Variants in ASB3 observed in about 807,000 individuals in gnomAD.
ASB3 encodes the protein ankyrin repeat and SOCS box protein 3.
ASB3 carries 41 observed loss-of-function variants against 54.5 expected under a neutral mutation model. That is an observed-to-expected ratio of 0.75 (90% CI 0.59 to 0.98). The LOEUF (loss-of-function observed/expected upper bound fraction) is 0.98, where lower values mean the gene tolerates loss of function less well. ASB3 is among the 50% of genes least tolerant of loss of function. The pLI, the probability that ASB3 is intolerant of heterozygous loss-of-function variation, is 0.00. For synonymous variants in ASB3, 266 were observed against 221.2 expected (o/e 1.20, Z -1.80); for missense variants, 733 against 620.0 (o/e 1.18, Z -1.94).
intron 9 of ASB3, among the ~76,000 whole-genome samples, chr2:53,685,537 C>A (rs1339576644): frequency 6.6e-6 from 1 of 152,170 alleles, no homozygotes; most frequent in African/African-American, 2.4e-5. Flanking sequence ...TTAGCATATT[C>A]TAACCTCCTA....
chr2:53,769,343 T>C (rs1393641165), intron 1 of ASB3, among the ~76,000 whole-genome samples: 1 of 152,210 alleles, frequency 6.6e-6, no homozygotes, highest in Non-Finnish European at 1.5e-5. Context: ...TATTTAAAAT[T>C]GCCATTCCGA....
chr2:53,767,497 T>A, intron 1 of ASB3: 1 of 178,118 alleles, frequency 5.6e-6, no homozygotes. Flanking sequence ...CGACTCCTGC[T>A]CTTTTCTCCT....
At chr2:53,732,395 T>C (rs1671370834) in intron 3 of ASB3, among the ~76,000 whole-genome samples, 1 of 152,010 alleles carries the variant, frequency 6.6e-6, no homozygotes, top group Non-Finnish European at 1.5e-5. Context: ...AGGAAAAAAA[T>C]CTGTTTCATA....
chr2:53,758,752 G>T (rs1672976242), intron 2 of ASB3, among the ~76,000 whole-genome samples: 1 of 152,152 alleles, frequency 6.6e-6, no homozygotes, highest in African/African-American at 2.4e-5. Flanking sequence ...GGACCACAGA[G>T]GACGCTCTAG....
At position 53,716,725 on chromosome 2, in the gene ASB3, T is replaced by G. The variant is rs376556448; in HGVS notation, c.623A>C (p.Gln208Pro). ...CAAGGGTGTAGCTTTGTCCAAGGCT[T>G]GACAATTGACATTTGCACCTAAGGG... ...LISSGANVNC[Q>P]ALDKATPLFI... Residue 208 changes from glutamine to proline, a missense_variant, in exon 6 of 10, where the codon CAA becomes CCA. Physicochemically the swap from Gln to Pro is moderately conservative, Grantham distance 76. Coordinates refer to ENST00000263634, the MANE Select transcript of ASB3 (RefSeq NM_016115.5). 5.0e-6 allele frequency: 8 copies of G among 1,612,976 alleles called. No homozygotes were observed. Among genetic ancestry groups the G allele is most frequent in the Non-Finnish European group, 5.9e-6 (7 of 1,179,212 alleles).
At chr2:53,759,404 T>G (rs1673015099) in intron 2 of ASB3, among the ~76,000 whole-genome samples, 1 of 152,212 alleles carries the variant, frequency 6.6e-6, no homozygotes, top group Non-Finnish European at 1.5e-5. Context: ...ATGACTCTAT[T>G]GAGGGCCAAC....
intron 9 of ASB3, among the ~76,000 whole-genome samples, chr2:53,680,930 T>C (rs144039600): frequency 1.4e-4 from 21 of 152,000 alleles, no homozygotes; most frequent in African/African-American, 4.8e-4. Flanking sequence ...TGTATCTCCA[T>C]GAATTCAACC....
intron 9 of ASB3, among the ~76,000 whole-genome samples, chr2:53,678,554 A>G (rs534161003): frequency 6.6e-6 from 1 of 152,352 alleles, no homozygotes; most frequent in East Asian, 1.9e-4. Context: ...GCAATCACAT[A>G]TGAACAAAAA....
chr2:53,762,442 T>C (rs1393107389), intron 2 of ASB3, among the ~76,000 whole-genome samples: 1 of 152,218 alleles, frequency 6.6e-6, no homozygotes, highest in African/African-American at 2.4e-5. Context: ...TCTTAATCGC[T>C]GTGCTACAAT....
chr2:53,691,579 C>A (rs1038523128), intron 9 of ASB3, among the ~76,000 whole-genome samples: 19 of 152,090 alleles, frequency 1.2e-4, no homozygotes, highest in Admixed American at 1.0e-3. Flanking sequence ...GGGTTTGAGC[C>A]CATTAGTATT....
At chr2:53,727,869 G>A (rs575269954) in intron 5 of ASB3, among the ~76,000 whole-genome samples, 131 of 152,154 alleles carry the variant, frequency 8.6e-4, no homozygotes, top group Admixed American at 2.0e-3. Context: ...GGGATTACAG[G>A]CACATGCCAC....
chr2:53,694,074 G>A, intron 8 of ASB3, 60 bp from the exon 9 acceptor site: 3 of 1,582,734 alleles, frequency 1.9e-6, no homozygotes, highest in Non-Finnish European at 2.6e-6. Flanking sequence ...GTTCGTACTT[G>A]AAACAAACAC....
At chr2:53,701,333 T>A (rs1669483505) in intron 7 of ASB3, among the ~76,000 whole-genome samples, 1 of 152,184 alleles carries the variant, frequency 6.6e-6, no homozygotes, top group South Asian at 2.1e-4. Context: ...CAATACTACA[T>A]CTTAAAATTA....
At chr2:53,706,456 T>G (rs561453242) in intron 7 of ASB3, among the ~76,000 whole-genome samples, 2 of 152,124 alleles carry the variant, frequency 1.3e-5, no homozygotes, top group South Asian at 2.1e-4. Context: ...TCTTTTTTTT[T>G]TTGTTTTTTG....
At chr2:53,674,175 AT>A (rs1667963225) in intron 9 of ASB3, among the ~76,000 whole-genome samples, 1 of 152,200 alleles carries the variant, frequency 6.6e-6, no homozygotes, top group Non-Finnish European at 1.5e-5. Context: ...ATGAAAACCT[AT>A]TAAAACTATA....
intron 5 of ASB3, among the ~76,000 whole-genome samples, chr2:53,718,986 T>A (rs1401069740): frequency 1.3e-5 from 2 of 152,166 alleles, no homozygotes; most frequent in African/African-American, 4.8e-5. Context: ...AATGGTGCGA[T>A]CTCGGCTTAC....
At chr2:53,768,216 A>C in intron 1 of ASB3, 1 of 605,654 alleles carries the variant, frequency 1.7e-6, no homozygotes, top group South Asian at 2.5e-5. Context: ...ACTCCTTCCG[A>C]AGCTGCTTAA....
At chr2:53,736,700 G>GAAA (rs60348593) in intron 3 of ASB3, among the ~76,000 whole-genome samples, 2 of 130,786 alleles carry the variant, frequency 1.5e-5, no homozygotes, top group African/African-American at 5.6e-5. Context: ...TTCCATCTCA[G>GAAA]AAAAAAAAAA....
chr2:53,773,080 T>C (rs952217376), intron 1 of ASB3, among the ~76,000 whole-genome samples: 5 of 152,130 alleles, frequency 3.3e-5, no homozygotes, highest in African/African-American at 7.2e-5. Context: ...TAATGGCAGA[T>C]AAATAATGGT....
Sources: allele counts gnomAD v4.1 joint callset (sites outside exome capture counted in the v4.1 genomes callset), GRCh38; gene constraint gnomAD v4.1.1; transcripts MANE v1.5; gene names NCBI Gene and HGNC (gene_info 2026-07-23, HGNC 2026-07-21).